FAT2: variants seen among roughly 807,000 people sequenced by gnomAD.
FAT2 encodes protocadherin Fat 2.
Under a neutral mutation model 295.3 loss-of-function variants are expected in FAT2, and 150 were observed. The ratio of observed to expected loss-of-function variants is 0.51; its 90% CI spans 0.44 to 0.58. The LOEUF (loss-of-function observed/expected upper bound fraction) is 0.58. Ranked by LOEUF, FAT2 falls within the 20% of genes least tolerant of loss-of-function variation. The pLI is 0.00. For missense variants in FAT2, 4,868 were observed against 5,442.7 expected (o/e 0.89, Z 3.32); for synonymous variants, 2,026 against 2,150.3 (o/e 0.94, Z 1.60).
intron 1 of FAT2, among the ~76,000 whole-genome samples, chr5:151,583,787 C>T (rs1204343878): frequency 6.6e-6 from 1 of 151,966 alleles, no homozygotes; most frequent in Non-Finnish European, 1.5e-5. Context: ...CACTTGAGGT[C>T]AGGAGTTCAA....
intron 9 of FAT2, among the ~76,000 whole-genome samples, chr5:151,548,505 G>C (rs1480231640): frequency 6.6e-6 from 1 of 151,946 alleles, no homozygotes; most frequent in Non-Finnish European, 1.5e-5. Context: ...TTTTGAGATG[G>C]AGTCTTGCTG....
chr5:151,588,431 G>C (rs1759263961), intron 1 of FAT2, among the ~76,000 whole-genome samples: 1 of 152,202 alleles, frequency 6.6e-6, no homozygotes, highest in African/African-American at 2.4e-5. Context: ...CTTCCCTGGT[G>C]AGGCCTCACC....
At position 151,521,885 on chromosome 5, in the gene FAT2, C is replaced by G. The variant is rs1383846392; in HGVS notation, c.10708G>C (p.Glu3570Gln). 1 of 1,614,122 alleles carries G rather than the reference C, an allele frequency of 6.2e-7. No homozygotes were observed. The highest frequency in any genetic ancestry group is 8.5e-7 in the Non-Finnish European group (1 of 1,179,954). Residue 3570 changes from glutamate (E) to glutamine (Q), a missense_variant, in exon 19 of 24, where the codon GAA (glutamate) becomes CAA (glutamine). Around this residue, in one of 5 missense-constraint regions of FAT2, gnomAD observed 1,046 missense variants for 1,210.1 expected, o/e 0.86. Transcript: ENST00000261800. ...PQDTLTYSLAEEETLGRHFSV... is the reference protein window; with the variant it reads ...PQDTLTYSLAQEETLGRHFSV... ...AAGTGCCTGCCCAGGGTCTCCTCTT[C>G]TGCCAGGCTATAGGTCAGCGTGTCC...
At chr5:151,539,713 T>G (rs923697496) in intron 11 of FAT2, among the ~76,000 whole-genome samples, 1 of 152,246 alleles carries the variant, frequency 6.6e-6, no homozygotes, top group African/African-American at 2.4e-5. Context: ...CTTACTGTGT[T>G]TTAAAAAATA....
chr5:151,522,984 A>G (rs1753635120), intron 18 of FAT2, among the ~76,000 whole-genome samples: 1 of 152,176 alleles, frequency 6.6e-6, no homozygotes, highest in African/African-American at 2.4e-5. Context: ...ATGTTTCACC[A>G]CACATCCCTG....
intron 17 of FAT2, 132 bp downstream of exon 17, chr5:151,527,102 G>C: frequency 1.1e-6 from 1 of 889,212 alleles, no homozygotes; most frequent in Non-Finnish European, 1.7e-6. Flanking sequence ...AGCAGTCTGT[G>C]TTGCCTTTGG....
chr5:151,589,366 CA>C, intron 1 of FAT2, among the ~76,000 whole-genome samples: 1 of 152,276 alleles, frequency 6.6e-6, no homozygotes, highest in South Asian at 2.1e-4. Context: ...ACTTACAGGC[CA>C]AGGTGAGTTC....
chr5:151,547,749 T>C (rs911816023), intron 9 of FAT2, among the ~76,000 whole-genome samples: 2 of 152,166 alleles, frequency 1.3e-5, no homozygotes, highest in Non-Finnish European at 2.9e-5. Context: ...TTATATAATA[T>C]CACACTGCTG....
chr5:151,565,756 T>C lies in FAT2; in HGVS notation c.3176A>G (p.Asp1059Gly). 2 of 1,587,410 alleles carry C rather than the reference T, an allele frequency of 1.3e-6. No individual in the cohort carries two copies. Among genetic ancestry groups the C allele is most frequent in the South Asian group, 1.1e-5 (1 of 90,612 alleles). Residue 1059 changes from aspartate to glycine, a missense_variant, in exon 2 of 24, where the codon GAT (aspartate) becomes GGT (glycine). By Grantham distance (94) the Asp-to-Gly change is moderately conservative (BLOSUM62 -1). Around this residue, in one of 5 missense-constraint regions of FAT2, gnomAD observed 3,297 missense variants for 3,669.4 expected, o/e 0.90. Coordinates refer to ENST00000261800, the MANE Select transcript of FAT2 (RefSeq NM_001447.3). ...TQVIVVAAQDDDSGLDGELQY... is the reference protein window; with the variant it reads ...TQVIVVAAQDGDSGLDGELQY... ...GAGCTCCCCATCCAAGCCACTGTCA[T>C]CGTCCTGGGCAGCCACTACAATCAC...
At chr5:151,564,715 C>T (rs6883153) in intron 2 of FAT2, among the ~76,000 whole-genome samples, 73,525 of 151,974 alleles carry the variant, frequency 0.48, 17,988 homozygotes, top group Non-Finnish European at 0.53. Context: ...TTTTGGAGAG[C>T]AATTTGGAAA....
upstream of FAT2, among the ~76,000 whole-genome samples, chr5:151,594,221 C>T (rs1056653872): frequency 3.9e-5 from 6 of 152,130 alleles, no homozygotes; most frequent in African/African-American, 7.2e-5. Flanking sequence ...AGCCCTTAAC[C>T]CAGCATTTTG....
chr5:151,568,022 T>C lies in FAT2; in HGVS notation c.910A>G (p.Lys304Glu), dbSNP rs779113870. 5 of 1,614,198 alleles carry C rather than the reference T, an allele frequency of 3.1e-6. No individual in the cohort carries two copies. In the Admixed American group the frequency reaches 8.3e-5, roughly 27 times the overall value. Residue 304 changes from lysine to glutamate, a missense_variant, in exon 2 of 24, where the codon AAG becomes GAG. Coordinates refer to ENST00000261800, the MANE Select transcript of FAT2 (RefSeq NM_001447.3). ...AACTCATTGCTCCGGGCATAAGACTTGATGGCTTTGAAGTGCTTTCCAGGG... is the reference window on the plus strand; with the variant it reads ...AACTCATTGCTCCGGGCATAAGACTCGATGGCTTTGAAGTGCTTTCCAGGG... ...GDPGKHFKAI[K>E]SYARSNEFSL...
At position 151,542,287 on chromosome 5, in the gene FAT2, G is replaced by C. The variant is rs765178905; in HGVS notation, c.8840C>G (p.Thr2947Arg). Residue 2947 changes from threonine (T) to arginine (R), a missense_variant and splice_region_variant, in exon 10 of 24, where the codon ACA (threonine) becomes AGA (arginine). Transcript: ENST00000261800. ...CAGTCCATGACAGGTGTTCTTACCT[G>C]TGATGTAGCAGGTGACCTGCCTGTT... ...EQNRQVTCYI[T>R]EGDPLGQFGI... is the part of the protein sequence containing the mutation. 2 of 1,591,918 alleles carry C rather than the reference G, an allele frequency of 1.3e-6. No individual in the cohort carries two copies.
In FAT2 at chr5:151,535,424, T is replaced by C. The variant is rs796197620; in HGVS notation, c.9194-782A>G. On this transcript the variant is annotated intron_variant, in intron 12 of 23. Transcript: ENST00000261800. ...CCTGGGGGAAATAATGCTGACATCA[T>C]GAGGCTCCCATAACAACCCAAGATG... Among the ~76,000 whole-genome samples the C allele has an allele frequency of 5.3e-5, 8 of 152,216 alleles. No homozygotes were observed. The South Asian group carries it at 1.0e-3, about 20-fold the overall frequency.
intron 1 of FAT2, among the ~76,000 whole-genome samples, chr5:151,577,035 AC>A (rs1200393096): frequency 6.6e-6 from 1 of 152,228 alleles, no homozygotes; most frequent in Non-Finnish European, 1.5e-5. Context: ...ATTTTATGAG[AC>A]CACTCTCATA....
At chr5:151,519,131 G>C (rs932049189) in intron 19 of FAT2, among the ~76,000 whole-genome samples, 1 of 152,206 alleles carries the variant, frequency 6.6e-6, no homozygotes, top group African/African-American at 2.4e-5. Context: ...ATCACCTGAG[G>C]TCAGGAGTTC....
chr5:151,520,740 A>G (rs1167238652), intron 19 of FAT2, among the ~76,000 whole-genome samples: 2 of 152,232 alleles, frequency 1.3e-5, no homozygotes, highest in African/African-American at 4.8e-5. Context: ...CTAGTGACTG[A>G]TGGAGCTAGG....
At chr5:151,547,998 C>T (rs1205896805) in intron 9 of FAT2, among the ~76,000 whole-genome samples, 1 of 152,130 alleles carries the variant, frequency 6.6e-6, no homozygotes, top group Non-Finnish European at 1.5e-5. Flanking sequence ...AAAATAAAGT[C>T]ATTATCTCCA....
chr5:151,547,934 G>A (rs1756808594), intron 9 of FAT2, among the ~76,000 whole-genome samples: 1 of 152,164 alleles, frequency 6.6e-6, no homozygotes, highest in Non-Finnish European at 1.5e-5. Flanking sequence ...TTTCAAAAAT[G>A]AGCATGTGTT....
Sources: gnomAD v4.1 joint callset for allele counts (sites outside exome capture counted in the v4.1 genomes callset) on GRCh38, gnomAD v4.1.1 for gene constraint, gnomAD v4.1.1 regional missense constraint, MANE v1.5 for transcripts, NCBI Gene and HGNC (gene_info 2026-07-23, HGNC 2026-07-21) for gene names.